Variants in MACROD2 observed in about 807,000 individuals in gnomAD.
The protein encoded by MACROD2 is mono-ADP ribosylhydrolase 2.
Under a neutral mutation model 70.4 loss-of-function variants are expected in MACROD2, and 36 were observed. The ratio of observed to expected loss-of-function variants is 0.51; its 90% CI spans 0.39 to 0.68. MACROD2 has a LOEUF of 0.68. MACROD2 is among the 30% of genes least tolerant of loss of function. MACROD2 has a pLI of 0.00. For synonymous variants in MACROD2, 172 were observed against 178.8 expected (o/e 0.96, Z 0.30); for missense variants, 496 against 538.4 (o/e 0.92, Z 0.78).
chr20:14,673,441 T>C (rs16994794), intron 4 of MACROD2, among the ~76,000 whole-genome samples: 29,706 of 152,138 alleles, frequency 0.2, 4,315 homozygotes, highest in African/African-American at 0.39. Context: ...TGGGTTTCCA[T>C]GGCTGGAGAG....
chr20:14,433,965 A>G (rs1473381803), intron 3 of MACROD2, among the ~76,000 whole-genome samples: 1 of 152,170 alleles, frequency 6.6e-6, no homozygotes, highest in Non-Finnish European at 1.5e-5. Context: ...TCTTTTAACC[A>G]TGGTCATATA....
At chr20:15,382,086 C>A (rs988848090) in intron 6 of MACROD2, among the ~76,000 whole-genome samples, 2 of 152,144 alleles carry the variant, frequency 1.3e-5, no homozygotes, top group African/African-American at 4.8e-5. Context: ...TGTGACAGTA[C>A]TACTAGTCAC....
At chr20:14,667,887 G>C (rs2070753531) in intron 4 of MACROD2, among the ~76,000 whole-genome samples, 1 of 152,078 alleles carries the variant, frequency 6.6e-6, no homozygotes, top group Non-Finnish European at 1.5e-5. Context: ...GGGGGGTGGT[G>C]GCTCACACCT....
At chr20:14,888,371 A>T (rs958965315) in intron 5 of MACROD2, 1 of 152,350 alleles carries the variant, frequency 6.6e-6, no homozygotes, top group South Asian at 2.1e-4. Flanking sequence ...CACTGCATTC[A>T]GCTTGCCAGT....
intron 4 of MACROD2, among the ~76,000 whole-genome samples, chr20:14,508,355 G>A (rs1178063328): frequency 6.6e-6 from 1 of 151,120 alleles, no homozygotes; most frequent in Non-Finnish European, 1.5e-5. Flanking sequence ...TCGGCTCTAG[G>A]CATTTAAGGA....
chr20:15,062,750 C>T (rs2075542949), intron 5 of MACROD2, among the ~76,000 whole-genome samples: 1 of 152,166 alleles, frequency 6.6e-6, no homozygotes, highest in Non-Finnish European at 1.5e-5. Context: ...TTCTTGACCT[C>T]ACAGAGCTTT....
At chr20:15,145,983 A>G (rs1601137480) in intron 5 of MACROD2, among the ~76,000 whole-genome samples, 1 of 152,212 alleles carries the variant, frequency 6.6e-6, no homozygotes, top group East Asian at 1.9e-4. Context: ...ACAAATATGT[A>G]CTCACTAGCA....
chr20:14,637,798 A>C (rs1020838462), intron 4 of MACROD2, among the ~76,000 whole-genome samples: 3 of 152,088 alleles, frequency 2.0e-5, no homozygotes, highest in African/African-American at 7.2e-5. Flanking sequence ...TGGAAGAAAA[A>C]TTTGCTGTCT....
At chr20:15,977,059 A>G (rs944868202) in intron 13 of MACROD2, among the ~76,000 whole-genome samples, 1 of 152,180 alleles carries the variant, frequency 6.6e-6, no homozygotes, top group Non-Finnish European at 1.5e-5. Flanking sequence ...CACTGGGACC[A>G]GGGGACACAC....
chr20:14,119,557 A>G (rs879383628), intron 3 of MACROD2, among the ~76,000 whole-genome samples: 2 of 152,208 alleles, frequency 1.3e-5, no homozygotes, highest in South Asian at 2.1e-4. Context: ...GACACTAAAA[A>G]AAATCCTAAA....
chr20:14,527,978 A>G (rs972168175), intron 4 of MACROD2, among the ~76,000 whole-genome samples: 3 of 152,214 alleles, frequency 2.0e-5, no homozygotes, highest in Non-Finnish European at 4.4e-5. Context: ...TTTGAGAGAA[A>G]TGGGACTAGG....
At chr20:15,900,179 G>A (rs1468015056) in intron 10 of MACROD2, among the ~76,000 whole-genome samples, 2 of 152,050 alleles carry the variant, frequency 1.3e-5, no homozygotes, top group Non-Finnish European at 2.9e-5. Context: ...GGTAAAATCA[G>A]GCAGTCATAA....
chr20:15,452,588 G>T (rs2146396239), intron 7 of MACROD2, among the ~76,000 whole-genome samples: 1 of 152,178 alleles, frequency 6.6e-6, no homozygotes, highest in African/African-American at 2.4e-5. Flanking sequence ...TTCAAGATGT[G>T]GTATATAACT....
intron 5 of MACROD2, among the ~76,000 whole-genome samples, chr20:15,112,710 G>A (rs534387188): frequency 2.1e-4 from 32 of 152,190 alleles, no homozygotes; most frequent in African/African-American, 7.0e-4. Flanking sequence ...ACATTCACAC[G>A]GTAGTGCGGC....
At chr20:14,682,809 A>G (rs2070950159) in intron 4 of MACROD2, among the ~76,000 whole-genome samples, 2 of 152,250 alleles carry the variant, frequency 1.3e-5, no homozygotes, top group Admixed American at 1.3e-4. Context: ...TTTAAAAAGT[A>G]AAAATGCTAA....
At chr20:14,608,235 A>C (rs1201648718) in intron 4 of MACROD2, among the ~76,000 whole-genome samples, 2 of 152,268 alleles carry the variant, frequency 1.3e-5, no homozygotes, top group East Asian at 3.9e-4. Flanking sequence ...CAACCTGGGC[A>C]ACAAGAATGG....
chr20:13,999,156 T>G (rs1318422578), intron 1 of MACROD2, among the ~76,000 whole-genome samples: 1 of 152,162 alleles, frequency 6.6e-6, no homozygotes, highest in Non-Finnish European at 1.5e-5. Flanking sequence ...CTTTGAGTTC[T>G]TGCACCATCA....
chr20:14,396,037 G>T (rs905653295), intron 3 of MACROD2, among the ~76,000 whole-genome samples: 1 of 152,218 alleles, frequency 6.6e-6, no homozygotes, highest in African/African-American at 2.4e-5. Context: ...CTACAGGTGT[G>T]TGCCACTGCA....
At chr20:14,253,953 A>G (rs985584757) in intron 3 of MACROD2, among the ~76,000 whole-genome samples, 1 of 152,166 alleles carries the variant, frequency 6.6e-6, no homozygotes, top group African/African-American at 2.4e-5. Flanking sequence ...AACATCATTT[A>G]GAAAATTCAG....
Sources: allele counts gnomAD v4.1 joint callset (sites outside exome capture counted in the v4.1 genomes callset), GRCh38; gene constraint gnomAD v4.1.1; transcripts MANE v1.5; gene names NCBI Gene and HGNC (gene_info 2026-07-23, HGNC 2026-07-21).